Variants in CPAMD8 observed in about 807,000 individuals in gnomAD.
The protein encoded by CPAMD8 is C3 and PZP like alpha-2-macroglobulin domain containing 8, also known as C3 and PZP-like alpha-2-macroglobulin domain-containing protein 8.
In CPAMD8, 146 loss-of-function variants were observed where a neutral mutation model predicts 224.7. The ratio of observed to expected loss-of-function variants is 0.65; its 90% CI spans 0.57 to 0.75. CPAMD8 has a LOEUF of 0.75. Ranked by LOEUF, CPAMD8 falls within the 30% of genes least tolerant of loss-of-function variation. The probability of loss-of-function intolerance (pLI) is 0.00; values close to 1 mark genes in which losing one functional copy is unlikely to be tolerated. For synonymous variants in CPAMD8, 966 were observed against 1,044.6 expected (o/e 0.92, Z 1.45); for missense variants, 2,301 against 2,537.5 (o/e 0.91, Z 2.00).
At chr19:16,953,194 C>T (rs2122387273) in intron 19 of CPAMD8, among the ~76,000 whole-genome samples, 1 of 152,212 alleles carries the variant, frequency 6.6e-6, no homozygotes, top group East Asian at 1.9e-4. Flanking sequence ...CCTTACCTAA[C>T]ACCATATACA....
chr19:16,895,388 A>C (rs2051922083), intron 41 of CPAMD8: 1 of 158,154 alleles, frequency 6.3e-6, no homozygotes, highest in African/African-American at 2.4e-5. Context: ...TAAACTATGG[A>C]TACACGAAAC....
intron 25 of CPAMD8, among the ~76,000 whole-genome samples, chr19:16,926,779 C>A (rs1434112102): frequency 6.6e-6 from 1 of 152,162 alleles, no homozygotes. Context: ...TCCCAGACGT[C>A]GCCTCCTCTC....
intron 41 of CPAMD8, chr19:16,895,947 A>C: frequency 7.4e-6 from 5 of 672,910 alleles, no homozygotes; most frequent in Non-Finnish European, 1.1e-5. Context: ...GCGCCCGCGC[A>C]CAGCTGTTCG....
intron 30 of CPAMD8, among the ~76,000 whole-genome samples, chr19:16,906,354 CTTTCT>C: frequency 9.4e-5 from 3 of 32,048 alleles, no homozygotes; most frequent in African/African-American, 3.5e-4. Flanking sequence ...TTCTTTCTTT[CTTTCT>C]TTCTTTCTTT....
chr19:17,018,721 C>T (rs1033454748), intron 3 of CPAMD8, among the ~76,000 whole-genome samples: 42 of 96,078 alleles, frequency 4.4e-4, no homozygotes, highest in African/African-American at 1.4e-3. Flanking sequence ...TAAAAATACA[C>T]ACACACACAC....
chr19:16,950,437 TCA>T (rs2054261847), intron 20 of CPAMD8, among the ~76,000 whole-genome samples: 1 of 152,038 alleles, frequency 6.6e-6, no homozygotes, highest in Non-Finnish European at 1.5e-5. Context: ...AGCTTGGATC[TCA>T]CATCCTGCAT....
At position 16,902,753 on chromosome 19, in the gene CPAMD8, G is replaced by T. The variant is rs531700758; in HGVS notation, c.4581C>A (p.Ser1527=). 9 of 1,595,992 alleles carry T rather than the reference G, an allele frequency of 5.6e-6. No individual in the cohort carries two copies. Among genetic ancestry groups the T allele is most frequent in the Non-Finnish European group, 6.9e-6 (8 of 1,167,618 alleles). The stretch of plus-strand genomic sequence containing the variant: ...AGTCTCCTCGGGAACCCTCAGCTGC[G>T]GAGGCAGGCATGGGGGGCGGGCGTC... ...AQGRPPPMPA[S]AAEGSRGDWP... is the part of the protein sequence containing the mutation. Residue 1527 remains serine (S), a synonymous_variant, in exon 35 of 42, where the codon TCC becomes TCA. Coordinates refer to ENST00000443236, the MANE Select transcript of CPAMD8 (RefSeq NM_015692.5).
At chr19:16,916,610 G>C (rs958250681) in intron 27 of CPAMD8, among the ~76,000 whole-genome samples, 1 of 151,808 alleles carries the variant, frequency 6.6e-6, no homozygotes, top group African/African-American at 2.4e-5. Flanking sequence ...GTGGTGGCGG[G>C]CACCTGTAAT....
At chr19:16,984,498 G>C (rs1452218455) in intron 13 of CPAMD8, among the ~76,000 whole-genome samples, 1 of 152,164 alleles carries the variant, frequency 6.6e-6, no homozygotes, top group Middle Eastern at 3.4e-3. Context: ...TGGTTTCTTT[G>C]AGATGTGGCA....
At chr19:16,999,830 G>C (rs1204614787) in intron 10 of CPAMD8, among the ~76,000 whole-genome samples, 1 of 151,836 alleles carries the variant, frequency 6.6e-6, no homozygotes, top group Non-Finnish European at 1.5e-5. Context: ...GTGTTTTTTT[G>C]TTTTTTGTTT....
At chr19:16,944,381 C>A (rs963991599) in intron 22 of CPAMD8, among the ~76,000 whole-genome samples, 2 of 152,192 alleles carry the variant, frequency 1.3e-5, no homozygotes, top group African/African-American at 2.4e-5. Flanking sequence ...GGTGCAGAGA[C>A]AGTTCTGCGG....
intron 5 of CPAMD8, among the ~76,000 whole-genome samples, chr19:17,011,036 A>G (rs146718572): frequency 0.012 from 1,684 of 136,264 alleles, 25 homozygotes; most frequent in Middle Eastern, 0.027. Context: ...AAAAAAACAG[A>G]AAAAAAAATC....
chr19:16,980,425 G>T, intron 14 of CPAMD8, 72 bp downstream of exon 14: 2 of 1,465,274 alleles, frequency 1.4e-6, no homozygotes, highest in Non-Finnish European at 1.9e-6. Context: ...GTCCCTCCTT[G>T]CAGGAGCACC....
intron 7 of CPAMD8, among the ~76,000 whole-genome samples, chr19:17,004,594 G>A (rs952402797): frequency 2.6e-5 from 4 of 152,068 alleles, no homozygotes; most frequent in South Asian, 2.1e-4. Flanking sequence ...GGCGGGCTTC[G>A]AAGGGATGCA....
intron 34 of CPAMD8, among the ~76,000 whole-genome samples, 198 bp downstream of exon 34, chr19:16,903,363 G>GT (rs1411679729): frequency 6.6e-6 from 1 of 151,058 alleles, no homozygotes; most frequent in Non-Finnish European, 1.5e-5. Context: ...ACCCTCTCAG[G>GT]TGTGGGGGTG....
chr19:16,912,356 T>G (rs1303638085), intron 29 of CPAMD8, among the ~76,000 whole-genome samples: 2 of 151,894 alleles, frequency 1.3e-5, no homozygotes, highest in African/African-American at 4.8e-5. Context: ...GAGAAATAGG[T>G]TGGAAGGCTA....
chr19:16,975,444 T>G (rs1379158795), intron 16 of CPAMD8, among the ~76,000 whole-genome samples, 186 bp from the exon 17 acceptor site: 1 of 152,164 alleles, frequency 6.6e-6, no homozygotes, highest in Non-Finnish European at 1.5e-5. Flanking sequence ...CAGTGGCCCA[T>G]GCCTCTAATC....
At chr19:16,926,151 G>C (rs1427468847) in intron 25 of CPAMD8, among the ~76,000 whole-genome samples, 1 of 151,856 alleles carries the variant, frequency 6.6e-6, no homozygotes, top group East Asian at 1.9e-4. Flanking sequence ...TGGAGTTGGA[G>C]GTGCATTTTT....
chr19:16,895,923 A>ACGCG (rs747910762), intron 41 of CPAMD8: 13 of 595,360 alleles, frequency 2.2e-5, no homozygotes, highest in East Asian at 9.6e-5. Flanking sequence ...ACACACACAC[A>ACGCG]CACACGCGCG....
Sources: gnomAD v4.1 joint callset for allele counts (sites outside exome capture counted in the v4.1 genomes callset) on GRCh38, gnomAD v4.1.1 for gene constraint, MANE v1.5 for transcripts, NCBI Gene and HGNC (gene_info 2026-07-23, HGNC 2026-07-21) for gene names.